DAAM2: variants seen among roughly 807,000 people sequenced by gnomAD.
The protein encoded by DAAM2 is disheveled-associated activator of morphogenesis 2.
DAAM2 carries 39 observed loss-of-function variants against 120.7 expected under a neutral mutation model. The observed-to-expected ratio is 0.32, with a 90% confidence interval of 0.25 to 0.42. The LOEUF (loss-of-function observed/expected upper bound fraction) is 0.42, where lower values mean the gene tolerates loss of function less well. Among genes scored for constraint, DAAM2 ranks in the 10% least tolerant of loss-of-function variants. DAAM2 has a pLI of 1.00. For synonymous variants in DAAM2, 488 were observed against 524.9 expected, an observed-to-expected ratio of 0.93 and a Z score of 0.96; for missense variants, 1,283 against 1,401.7, an observed-to-expected ratio of 0.92 and a Z score of 1.35.
chr6:39,841,460 G>A (rs1468659779), intron 1 of DAAM2, among the ~76,000 whole-genome samples: 1 of 152,030 alleles, frequency 6.6e-6, no homozygotes, highest in Non-Finnish European at 1.5e-5. Flanking sequence ...GGATTCCTGG[G>A]AGGAGCTCTG....
At chr6:39,899,849 C>T (rs1400711903) in intron 22 of DAAM2, 10 of 419,594 alleles carry the variant, frequency 2.4e-5, no homozygotes, top group Admixed American at 4.0e-5. Flanking sequence ...GCTGCTGGCC[C>T]CAGGTCACAT....
intron 1 of DAAM2, among the ~76,000 whole-genome samples, chr6:39,852,491 C>T (rs768241911): frequency 1.3e-5 from 2 of 152,198 alleles, no homozygotes; most frequent in Non-Finnish European, 1.5e-5. Context: ...AATGCCAGGC[C>T]TCGGTCACCC....
At chr6:39,830,942 A>T (rs1427858721) in intron 1 of DAAM2, among the ~76,000 whole-genome samples, 1 of 152,172 alleles carries the variant, frequency 6.6e-6, no homozygotes, top group Non-Finnish European at 1.5e-5. Context: ...TCGACCATGT[A>T]CCAAGGACCG....
intron 8 of DAAM2, 110 bp downstream of exon 8, chr6:39,870,553 T>C (rs1198970617): frequency 2.8e-6 from 2 of 708,238 alleles, no homozygotes; most frequent in Admixed American, 2.1e-5. Flanking sequence ...CCAGCTGCCA[T>C]TCCCAGCGCA....
chr6:39,835,719 G>A (rs982142254), intron 1 of DAAM2, among the ~76,000 whole-genome samples: 28 of 152,234 alleles, frequency 1.8e-4, no homozygotes, highest in Non-Finnish European at 3.8e-4. Flanking sequence ...GCATGGGTTG[G>A]CGAAGATGCC....
At chr6:39,891,521 A>T in intron 18 of DAAM2, 74 bp downstream of exon 18, 1 of 1,514,262 alleles carries the variant, frequency 6.6e-7, no homozygotes, top group Non-Finnish European at 9.0e-7. Context: ...CTCTGCCAAG[A>T]GGAAGGGGAT....
At position 39,825,384 on chromosome 6, in the gene DAAM2, T is replaced by TAAAACAAAAC. The variant is rs56245657; in HGVS notation, c.-56-30826_-56-30817dup. The stretch of plus-strand genomic sequence containing the variant: ...AGCTGGGTGACAGAGCAAGACTGTT[T>TAAAACAAAAC]AAAACAAAACAAAACAAAACAAAAC... On this transcript the variant is annotated intron_variant, in intron 1 of 24. Coordinates refer to ENST00000274867, the MANE Select transcript of DAAM2 (RefSeq NM_001201427.2). Among the ~76,000 whole-genome samples, 183 of 101,564 alleles carry TAAAACAAAAC rather than the reference T, an allele frequency of 1.8e-3. 2 individuals carry two copies. The highest frequency in any genetic ancestry group is 6.5e-3 in the African/African-American group (170 of 26,302). 66.6% of individuals were successfully genotyped at this position (101,564 alleles called of 152,430 possible).
At chr6:39,871,145 A>G (rs150792195) in intron 8 of DAAM2, among the ~76,000 whole-genome samples, 1 of 152,298 alleles carries the variant, frequency 6.6e-6, no homozygotes, top group Non-Finnish European at 1.5e-5. Context: ...TGGTTGTCAC[A>G]CTAGGGGGTG....
Position 39,878,432 on chromosome 6 carries a change from G to A in DAAM2, c.1389G>A (p.Glu463=). The change falls in exon 13 of 25, where the codon GAG becomes GAA. Residue 463 remains glutamate (E), a synonymous_variant. Coordinates refer to ENST00000274867, the MANE Select transcript of DAAM2 (RefSeq NM_001201427.2). This position sits in a 1 kb window ranked among gnomAD's most constrained non-coding sequence, Gnocchi z 5.0. ...ACATGGAGCTTGTGAGCCGTCTGGA[G>A]AGGAAGGAGCGGGAATGCGAGACAA... ...KEHMELVSRL[E]RKERECETKT... 2 of 1,612,392 alleles carry A rather than the reference G, an allele frequency of 1.2e-6. No individual in the cohort carries two copies. The highest frequency in any genetic ancestry group is 1.7e-6 in the Non-Finnish European group (2 of 1,179,138).
chr6:39,819,959 A>G (rs1019791354), intron 1 of DAAM2: 1 of 152,264 alleles, frequency 6.6e-6, no homozygotes, highest in Non-Finnish European at 1.5e-5. Context: ...TTTTGAGAGG[A>G]CACACACATT....
intron 1 of DAAM2, among the ~76,000 whole-genome samples, chr6:39,846,777 C>T (rs1418048004): frequency 1.3e-5 from 2 of 151,822 alleles, no homozygotes; most frequent in African/African-American, 4.8e-5. Context: ...GTCTCTCTTC[C>T]CAACCAAACT....
intron 17 of DAAM2, among the ~76,000 whole-genome samples, chr6:39,889,740 C>T (rs1765592108): frequency 6.6e-6 from 1 of 152,206 alleles, no homozygotes; most frequent in Non-Finnish European, 1.5e-5. Flanking sequence ...ATAAGATAAA[C>T]AACCAATTAA....
intron 5 of DAAM2, 91 bp downstream of exon 5, chr6:39,865,165 A>C: frequency 2.6e-6 from 2 of 768,030 alleles, no homozygotes; most frequent in African/African-American, 1.7e-5. Context: ...CTCTGCTCCC[A>C]TGCCGGTCCT....
Position 39,865,050 on chromosome 6 carries a change from C to T in DAAM2, c.404C>T (p.Thr135Ile), listed in dbSNP as rs1764370140. Residue 135 changes from threonine (T) to isoleucine (I), a missense_variant, in exon 5 of 25, where the codon ACA becomes ATA. This residue lies in a region of DAAM2 where 197 missense variants were observed against 189.3 expected (regional missense o/e 1.04). Transcript: ENST00000274867. ...AACCAAGTCGTGGAAGACCTGAAGA[C>T]AGCCCTCCGGACACAGCCTATGAGG... The part of the protein sequence containing the change: ...MRNQVVEDLK[T>I]ALRTQPMRFV... The T allele has an allele frequency of 3.8e-6, 6 of 1,592,596 alleles. No individual in the cohort carries two copies. Among genetic ancestry groups the T allele is most frequent in the Middle Eastern group, 1.6e-4 (1 of 6,066 alleles).
chr6:39,864,854 CG>C (rs1764360599), intron 4 of DAAM2, 125 bp from the exon 5 acceptor site: 1 of 1,181,626 alleles, frequency 8.5e-7, no homozygotes, highest in East Asian at 2.6e-5. Context: ...GGCCGACACT[CG>C]GTCTCAGTAA....
At chr6:39,798,966 A>G (rs961826664) in intron 1 of DAAM2, among the ~76,000 whole-genome samples, 16 of 152,194 alleles carry the variant, frequency 1.1e-4, no homozygotes, top group African/African-American at 3.6e-4. Context: ...GCATTGTAGA[A>G]TCGACGCCTG....
In DAAM2 at chr6:39,850,791, A is replaced by G. The variant is rs9462581; in HGVS notation, c.-56-5456A>G. ...GGAAGTGACCAGGGACAGATAGTCAATACCATGTCCTTGTCCTGTTACCCC... is the reference window on the plus strand; with the variant it reads ...GGAAGTGACCAGGGACAGATAGTCAGTACCATGTCCTTGTCCTGTTACCCC... On this transcript the variant is annotated intron_variant, in intron 1 of 24. Coordinates refer to ENST00000274867, the MANE Select transcript of DAAM2 (RefSeq NM_001201427.2). Among the ~76,000 whole-genome samples, 459 of 152,314 alleles carry G rather than the reference A, an allele frequency of 3.0e-3. 1 individual carries two copies. The highest frequency in any genetic ancestry group is 9.7e-3 in the African/African-American group (404 of 41,576).
chr6:39,838,362 C>A (rs768967510), intron 1 of DAAM2, among the ~76,000 whole-genome samples: 2 of 152,162 alleles, frequency 1.3e-5, no homozygotes, highest in Non-Finnish European at 2.9e-5. Flanking sequence ...ATGGCACCAC[C>A]TTTTCAAACA....
chr6:39,890,472 T>C (rs1402112438), intron 17 of DAAM2, among the ~76,000 whole-genome samples: 1 of 152,234 alleles, frequency 6.6e-6, no homozygotes, highest in East Asian at 1.9e-4. Flanking sequence ...ATGACATGGA[T>C]GAACCTTAGA....
Sources: allele counts gnomAD v4.1 joint callset (sites outside exome capture counted in the v4.1 genomes callset), GRCh38; gene constraint gnomAD v4.1.1; regional missense constraint gnomAD v4.1.1; non-coding constraint Gnocchi (gnomAD v3.1); transcripts MANE v1.5; gene names NCBI Gene and HGNC (gene_info 2026-07-23, HGNC 2026-07-21).